TMPRSS11D: variants seen among roughly 807,000 people sequenced by gnomAD.
The protein encoded by TMPRSS11D is transmembrane serine protease 11D.
In TMPRSS11D, 32 loss-of-function variants were observed where a neutral mutation model predicts 44.4. The observed-to-expected ratio is 0.72, with a 90% confidence interval of 0.54 to 0.97. The LOEUF is 0.97. TMPRSS11D is among the 50% of genes least tolerant of loss of function. TMPRSS11D has a pLI of 0.00. For missense variants in TMPRSS11D, 446 were observed against 502.6 expected, an observed-to-expected ratio of 0.89 and a Z score of 1.08; for synonymous variants, 179 against 177.9, an observed-to-expected ratio of 1.01 and a Z score of -0.05.
At chr4:67,874,999 A>G (rs1231481691) in intron 1 of TMPRSS11D, among the ~76,000 whole-genome samples, 5 of 152,222 alleles carry the variant, frequency 3.3e-5, no homozygotes, top group Non-Finnish European at 7.3e-5. Flanking sequence ...AGTTGCATCA[A>G]TATATTTTTA....
At chr4:67,877,532 A>G (rs1040684351) in intron 1 of TMPRSS11D, among the ~76,000 whole-genome samples, 1 of 152,190 alleles carries the variant, frequency 6.6e-6, no homozygotes, top group African/African-American at 2.4e-5. Flanking sequence ...TATCTTTCAC[A>G]TATCTCTATT....
chr4:67,881,321 G>A (rs907708456), intron 1 of TMPRSS11D, among the ~76,000 whole-genome samples: 1 of 152,124 alleles, frequency 6.6e-6, no homozygotes, highest in Non-Finnish European at 1.5e-5. Flanking sequence ...AAGACAAGTT[G>A]GCAGTGGCAT....
At chr4:67,859,803 C>T in intron 1 of TMPRSS11D, 125 bp from the exon 2 acceptor site, 1 of 1,306,092 alleles carries the variant, frequency 7.7e-7, no homozygotes, top group Non-Finnish European at 1.0e-6. Context: ...GCCATAGAAA[C>T]ATATTCGTAG....
chr4:67,870,373 C>T (rs1323908488), intron 1 of TMPRSS11D, among the ~76,000 whole-genome samples: 1 of 152,154 alleles, frequency 6.6e-6, no homozygotes, highest in Non-Finnish European at 1.5e-5. Context: ...ACAATAGGCC[C>T]TCTCTACCTC....
chr4:67,833,492 T>C, intron 6 of TMPRSS11D, 111 bp from the exon 7 acceptor site: 3 of 1,050,516 alleles, frequency 2.9e-6, no homozygotes, highest in Non-Finnish European at 3.8e-6. Context: ...ACATTCTTCC[T>C]CAGGACATGC....
intron 1 of TMPRSS11D, among the ~76,000 whole-genome samples, chr4:67,867,409 C>G (rs2109696449): frequency 6.6e-6 from 1 of 152,038 alleles, no homozygotes; most frequent in Non-Finnish European, 1.5e-5. Context: ...AACTTTTGGA[C>G]ATTAACCTAG....
intron 6 of TMPRSS11D, 84 bp downstream of exon 6, chr4:67,834,999 C>T (rs1718041172): frequency 2.3e-6 from 3 of 1,293,870 alleles, no homozygotes; most frequent in South Asian, 1.2e-5. Context: ...TAGATACTGC[C>T]TTGGCCAAAA....
At chr4:67,850,250 T>C (rs1437689248) in intron 3 of TMPRSS11D, among the ~76,000 whole-genome samples, 1 of 152,200 alleles carries the variant, frequency 6.6e-6, no homozygotes, top group Non-Finnish European at 1.5e-5. Flanking sequence ...TTTAATAGTG[T>C]GTTAAATAGG....
At chr4:67,880,141 G>T (rs1719286724) in intron 1 of TMPRSS11D, among the ~76,000 whole-genome samples, 2 of 152,186 alleles carry the variant, frequency 1.3e-5, no homozygotes. Flanking sequence ...CAGTTACATT[G>T]TGAAAGGTGG....
chr4:67,869,348 A>G (rs988851278), intron 1 of TMPRSS11D, among the ~76,000 whole-genome samples: 4 of 152,176 alleles, frequency 2.6e-5, no homozygotes, highest in Non-Finnish European at 5.9e-5. Flanking sequence ...TTGATATAAT[A>G]AAGAATTTCC....
chr4:67,864,518 TG>T (rs1302695255), intron 1 of TMPRSS11D, among the ~76,000 whole-genome samples: 1 of 151,852 alleles, frequency 6.6e-6, no homozygotes, highest in East Asian at 1.9e-4. Flanking sequence ...AATGGCAATA[TG>T]ACAGAACTCC....
chr4:67,849,446 G>T (rs1718441033), intron 3 of TMPRSS11D, among the ~76,000 whole-genome samples: 2 of 152,120 alleles, frequency 1.3e-5, no homozygotes, highest in Non-Finnish European at 2.9e-5. Context: ...TGTCAGAGGA[G>T]AGGTGGACAT....
intron 2 of TMPRSS11D, among the ~76,000 whole-genome samples, chr4:67,858,181 G>C (rs943690305): frequency 1.3e-5 from 2 of 152,092 alleles, no homozygotes; most frequent in African/African-American, 2.4e-5. Context: ...TCGTTCATAT[G>C]CATTACTTAC....
intron 1 of TMPRSS11D, among the ~76,000 whole-genome samples, chr4:67,881,259 G>A (rs1433253168): frequency 6.6e-6 from 1 of 152,184 alleles, no homozygotes. Context: ...TTGCAGTAGT[G>A]TGTTAAGTAA....
intron 7 of TMPRSS11D, among the ~76,000 whole-genome samples, chr4:67,829,246 G>A (rs1031529320): frequency 6.6e-6 from 1 of 152,014 alleles, no homozygotes; most frequent in Non-Finnish European, 1.5e-5. Flanking sequence ...TGGACGATAT[G>A]GCTGGTATTA....
At chr4:67,847,831 G>T (rs1718392761) in intron 3 of TMPRSS11D, among the ~76,000 whole-genome samples, 1 of 152,128 alleles carries the variant, frequency 6.6e-6, no homozygotes, top group Non-Finnish European at 1.5e-5. Context: ...CCAATGAATT[G>T]TTGGTCCTCC....
chr4:67,861,965 G>A (rs1718799807), intron 1 of TMPRSS11D, among the ~76,000 whole-genome samples: 1 of 152,052 alleles, frequency 6.6e-6, no homozygotes, highest in Non-Finnish European at 1.5e-5. Context: ...TGTAAACACT[G>A]AATTTTCATT....
At chr4:67,840,914 A>G (rs970443319) in intron 4 of TMPRSS11D, among the ~76,000 whole-genome samples, 6 of 152,192 alleles carry the variant, frequency 3.9e-5, no homozygotes, top group Non-Finnish European at 2.9e-5. Flanking sequence ...TGAAAACGCA[A>G]TAAATGGGTT....
intron 7 of TMPRSS11D, among the ~76,000 whole-genome samples, chr4:67,830,573 A>C (rs970081111): frequency 3.9e-5 from 6 of 152,106 alleles, no homozygotes; most frequent in Non-Finnish European, 8.8e-5. Flanking sequence ...ACCTGAGTTA[A>C]AAATTTTGAA....
Sources: gnomAD v4.1 joint callset for allele counts (sites outside exome capture counted in the v4.1 genomes callset) on GRCh38, gnomAD v4.1.1 for gene constraint, MANE v1.5 for transcripts, NCBI Gene and HGNC (gene_info 2026-07-23, HGNC 2026-07-21) for gene names.